Variants in AFM observed in about 807,000 individuals in gnomAD.
AFM encodes the protein alpha-Alb.
AFM carries 82 observed loss-of-function variants against 68.7 expected under a neutral mutation model. The ratio of observed to expected loss-of-function variants is 1.19; its 90% CI spans 1.00 to 1.43. The LOEUF is 1.43. Ranked by LOEUF, AFM falls within the 40% of genes most tolerant of loss-of-function variation. The pLI is 0.00. For missense variants in AFM, 772 were observed against 701.8 expected, an observed-to-expected ratio of 1.10 and a Z score of -1.13; for synonymous variants, 250 against 234.2, an observed-to-expected ratio of 1.07 and a Z score of -0.61.
chr4:73,489,129 T>G (rs965893622), intron 7 of AFM, among the ~76,000 whole-genome samples: 3 of 152,204 alleles, frequency 2.0e-5, no homozygotes, highest in African/African-American at 7.2e-5. Flanking sequence ...CTTGTTAACA[T>G]TATGTTTTTA....
intron 7 of AFM, among the ~76,000 whole-genome samples, chr4:73,491,045 G>T (rs934838862): frequency 6.6e-6 from 1 of 152,218 alleles, no homozygotes; most frequent in African/African-American, 2.4e-5. Context: ...ATAGTCTAGT[G>T]TGTTGCTGTA....
chr4:73,495,105 G>A lies in AFM; in HGVS notation c.1059-195G>A, dbSNP rs148718875. The A allele has an allele frequency of 3.9e-3, 1,555 of 400,214 alleles. 4 individuals are homozygous for A. Among genetic ancestry groups the A allele is most frequent in the Non-Finnish European group, 5.3e-3 (1,207 of 227,678 alleles). The allele number at this position is 400,214 out of a possible 1,614,324, so 24.8% of individuals were successfully genotyped here. On this transcript the variant is annotated intron_variant, in intron 8 of 14. Coordinates refer to ENST00000226355, the MANE Select transcript of AFM (RefSeq NM_001133.2). Reference sequence around the variant, plus strand: ...ATAAAAAATATTGTTAATCTAAAACGTACCATGGAAGAGAACTTTTGTAAA... The same window carrying A: ...ATAAAAAATATTGTTAATCTAAAACATACCATGGAAGAGAACTTTTGTAAA...
intron 8 of AFM, 170 bp from the exon 9 acceptor site, chr4:73,495,130 A>T (rs1251018912): frequency 6.1e-6 from 3 of 490,856 alleles, no homozygotes; most frequent in Non-Finnish European, 1.0e-5. Context: ...ACTTTTGTAA[A>T]ATGATCTATA....
intron 12 of AFM, among the ~76,000 whole-genome samples, chr4:73,501,461 T>C (rs1721419926): frequency 6.6e-6 from 1 of 152,148 alleles, no homozygotes; most frequent in African/African-American, 2.4e-5. Context: ...TTTCCTACTA[T>C]ACTACTGAAT....
At chr4:73,486,859 C>T in intron 4 of AFM, 108 bp from the exon 5 acceptor site, 79 of 1,089,438 alleles carry the variant, frequency 7.3e-5, no homozygotes, top group Middle Eastern at 5.6e-4. Flanking sequence ...TTTTCTTTTC[C>T]TTCCCATCTT....
chr4:73,485,568 A>G (rs1720868697), intron 3 of AFM, among the ~76,000 whole-genome samples: 1 of 147,592 alleles, frequency 6.8e-6, no homozygotes. Context: ...GGAGAAGGAG[A>G]AGGAGAAAGA....
At chr4:73,492,755 A>C (rs1444216415) in intron 8 of AFM, among the ~76,000 whole-genome samples, 2 of 149,048 alleles carry the variant, frequency 1.3e-5, no homozygotes, top group Non-Finnish European at 3.0e-5. Flanking sequence ...GAGATCACGC[A>C]CTGCACTCCA....
intron 9 of AFM, 37 bp from the exon 10 acceptor site, chr4:73,497,614 GA>G (rs1313799679): frequency 7.3e-7 from 1 of 1,364,502 alleles, no homozygotes. Context: ...TTAAATTTTA[GA>G]TAAAATGTTT....
In AFM at chr4:73,491,903, A is replaced by T; in HGVS notation, c.875A>T (p.Gln292Leu). 6.2e-7 allele frequency: 1 copy of T among 1,614,002 alleles called. No homozygotes were observed. The highest frequency in any genetic ancestry group is 8.5e-7 in the Non-Finnish European group (1 of 1,179,910). Residue 292 changes from glutamine to leucine, a missense_variant, in exon 8 of 15, where the codon CAA becomes CTA. Gln to Leu is a moderately radical substitution (Grantham distance 113). Coordinates refer to ENST00000226355, the MANE Select transcript of AFM (RefSeq NM_001133.2). ...GTTATGAACCATATTTGTTCAAAACAAGATTCTATCTCCAGCAAAATCAAA... is the reference window on the plus strand; with the variant it reads ...GTTATGAACCATATTTGTTCAAAACTAGATTCTATCTCCAGCAAAATCAAA... ...SKVMNHICSK[Q>L]DSISSKIKEC...
chr4:73,503,372 C>T (rs1177445277), intron 14 of AFM, among the ~76,000 whole-genome samples: 1 of 152,138 alleles, frequency 6.6e-6, no homozygotes, highest in Non-Finnish European at 1.5e-5. Flanking sequence ...CGCTTAAGTC[C>T]TCTGCCTTCC....
Position 73,488,708 on chromosome 4 carries a change from C to T in AFM, c.792C>T (p.Ser264=). Residue 264 remains serine (S), a synonymous_variant, in exon 7 of 15, where the codon TCC becomes TCT. Transcript: ENST00000226355. The stretch of plus-strand genomic sequence containing the variant: ...TTTCTCTTGTAGAAGATGTTTCTTC[C>T]AACTATGATGGATGCTGTGAAGGGG... ...ELISLVEDVS[S]NYDGCCEGDV... is the part of the protein sequence containing the mutation. 1 of 1,612,910 alleles carries T rather than the reference C, an allele frequency of 6.2e-7. No homozygotes were observed. The highest frequency in any genetic ancestry group is 8.5e-7 in the Non-Finnish European group (1 of 1,179,328).
intron 8 of AFM, among the ~76,000 whole-genome samples, chr4:73,494,759 T>C (rs1560412446): frequency 6.6e-6 from 1 of 152,132 alleles, no homozygotes; most frequent in Non-Finnish European, 1.5e-5. Context: ...CCACCTATGC[T>C]CTTGAAGTCC....
rs183993986 is a variant in AFM, at chr4:73,498,101, T to C, written c.1289+352T>C. ...CATTACAGTTTCTTTGGGGAAGAGA[T>C]AGTTTGCCTTGCCTTGCCTTACGGC... On this transcript the variant is annotated intron_variant, in intron 10 of 14. Coordinates refer to ENST00000226355, the MANE Select transcript of AFM (RefSeq NM_001133.2). 9.2e-5 allele frequency among the ~76,000 whole-genome samples: 14 copies of C among 152,296 alleles called. No homozygotes were observed. The East Asian group carries it at 2.3e-3, about 25-fold the overall frequency.
Position 73,492,484 on chromosome 4 carries a change from A to C in AFM, c.1058+398A>C, listed in dbSNP as rs548599315. Among the ~76,000 whole-genome samples the C allele has an allele frequency of 1.9e-3, 293 of 152,282 alleles. 1 individual carries two copies. Among genetic ancestry groups the C allele is most frequent in the African/African-American group, 6.7e-3 (277 of 41,556 alleles). On this transcript the variant is annotated intron_variant, in intron 8 of 14. Transcript: ENST00000226355. ...GACAGAGTAAGAATTTGACTCCAGG[A>C]AGCCTGGCCTAGCAAGTTGCAGGCT... is the stretch of plus-strand genomic sequence containing the variant.
At chr4:73,486,127 A>G in intron 4 of AFM, 54 bp downstream of exon 4, 1 of 1,390,710 alleles carries the variant, frequency 7.2e-7, no homozygotes, top group South Asian at 1.2e-5. Context: ...TCTTAGGCTG[A>G]ATCTAATATC....
At chr4:73,483,819 T>C (rs1176007096) in intron 1 of AFM, 122 bp from the exon 2 acceptor site, 1 of 754,756 alleles carries the variant, frequency 1.3e-6, no homozygotes, top group African/African-American at 1.9e-5. Context: ...ATATGCAAAA[T>C]TATCTCCTGT....
At chr4:73,494,344 C>T (rs988982519) in intron 8 of AFM, among the ~76,000 whole-genome samples, 3 of 151,878 alleles carry the variant, frequency 2.0e-5, no homozygotes, top group South Asian at 2.1e-4. Flanking sequence ...TGAGGTATTG[C>T]GCTCACAAAA....
chr4:73,498,293 A>C (rs905580198), intron 10 of AFM, among the ~76,000 whole-genome samples: 32 of 151,772 alleles, frequency 2.1e-4, no homozygotes, highest in African/African-American at 7.3e-4. Flanking sequence ...TATTATCATT[A>C]CTACATATTT....
Position 73,492,026 on chromosome 4 carries a change from T to G in AFM, c.998T>G (p.Phe333Cys), listed in dbSNP as rs752948863. 4 of 1,613,308 alleles carry G rather than the reference T, an allele frequency of 2.5e-6. No homozygotes were observed. The Admixed American group carries it at 6.7e-5, about 27-fold the overall frequency. Residue 333 changes from phenylalanine (F) to cysteine (C), a missense_variant, in exon 8 of 15, where the codon TTT (phenylalanine) becomes TGT (cysteine). Physicochemically the swap from Phe to Cys is radical, Grantham distance 205. Coordinates refer to ENST00000226355, the MANE Select transcript of AFM (RefSeq NM_001133.2). ...PKDLSLREGK[F>C]TDSENVCQER... ...GATTTATCTCTAAGAGAAGGAAAAT[T>G]TACTGACAGTGAAAATGTGTGTCAA...
Sources: allele counts gnomAD v4.1 joint callset (sites outside exome capture counted in the v4.1 genomes callset), GRCh38; gene constraint gnomAD v4.1.1; transcripts MANE v1.5; gene names NCBI Gene and HGNC (gene_info 2026-07-23, HGNC 2026-07-21).